Variants in TPD52 observed in about 807,000 individuals in gnomAD.
TPD52 encodes the protein tumor protein D52.
Under a neutral mutation model 31.3 loss-of-function variants are expected in TPD52, and 17 were observed. That is an observed-to-expected ratio of 0.54 (90% CI 0.37 to 0.82). The LOEUF is 0.82. TPD52 is among the 40% of genes least tolerant of loss of function. The probability of loss-of-function intolerance (pLI) is 0.00; values close to 1 mark genes in which losing one functional copy is unlikely to be tolerated. For missense variants in TPD52, 212 were observed against 240.1 expected, an observed-to-expected ratio of 0.88 and a Z score of 0.77; for synonymous variants, 83 against 89.6, an observed-to-expected ratio of 0.93 and a Z score of 0.42.
chr8:80,062,402 G>C (rs893710909), intron 2 of TPD52, among the ~76,000 whole-genome samples: 1 of 152,086 alleles, frequency 6.6e-6, no homozygotes, highest in Admixed American at 6.6e-5. Context: ...TGGATCAAGG[G>C]CTTAAATCTT....
At chr8:80,134,390 G>A (rs1015497720) in intron 1 of TPD52, among the ~76,000 whole-genome samples, 2 of 152,176 alleles carry the variant, frequency 1.3e-5, no homozygotes, top group Admixed American at 1.3e-4. Context: ...AGTTTCCAAT[G>A]TCTTAATGCT....
At chr8:80,142,468 A>G (rs7839866) in intron 1 of TPD52, among the ~76,000 whole-genome samples, 77,482 of 151,990 alleles carry the variant, frequency 0.51, 20,259 homozygotes, top group East Asian at 0.78. Flanking sequence ...AATTACAATC[A>G]GGCTGGGTAC....
At chr8:80,069,293 GTC>G (rs760917738) in intron 1 of TPD52, among the ~76,000 whole-genome samples, 43 of 151,020 alleles carry the variant, frequency 2.8e-4, no homozygotes, top group Admixed American at 9.2e-4. Context: ...GTGAGATCCT[GTC>G]TCTACAAAAA....
intron 1 of TPD52, among the ~76,000 whole-genome samples, chr8:80,167,007 G>C (rs770876124): frequency 5.3e-5 from 8 of 152,044 alleles, no homozygotes; most frequent in Non-Finnish European, 1.2e-4. Context: ...CAGGATTATG[G>C]GTAATTTTCT....
chr8:80,085,351 T>C (rs1467601069), intron 1 of TPD52, among the ~76,000 whole-genome samples: 1 of 151,952 alleles, frequency 6.6e-6, no homozygotes, highest in Middle Eastern at 3.4e-3. Flanking sequence ...AAAATTAAGT[T>C]TCTGTCTGCC....
In TPD52 at chr8:80,080,286, A is replaced by C. The variant is rs575983936; in HGVS notation, c.20-15693T>G. The C allele has an allele frequency of 2.0e-4, 327 of 1,607,260 alleles. 5 individuals are homozygous for C. In the South Asian group the frequency reaches 3.5e-3, roughly 17 times the overall value. On this transcript the variant is annotated intron_variant, in intron 1 of 7. Transcript: ENST00000518937. ...GTTATGTCTAGGTTTTATTCCAAGC[A>C]AACTTAACTTTACAAAATTAGTAGT... is the stretch of plus-strand genomic sequence containing the variant.
intron 1 of TPD52, among the ~76,000 whole-genome samples, chr8:80,078,045 G>A (rs6473198): frequency 0.61 from 92,354 of 152,046 alleles, 28,160 homozygotes; most frequent in East Asian, 0.73. Context: ...TCTTATATTT[G>A]TGAGGATTGC....
At chr8:80,160,889 CAAAAAAA>C (rs58923055) in intron 1 of TPD52, among the ~76,000 whole-genome samples, 1,027 of 95,040 alleles carry the variant, frequency 0.011, 17 homozygotes, top group African/African-American at 0.041. Flanking sequence ...ACTAAAAATA[CAAAAAAA>C]AAAAAAAAAA....
At chr8:80,114,019 C>T (rs1807687626) in intron 1 of TPD52, among the ~76,000 whole-genome samples, 1 of 152,122 alleles carries the variant, frequency 6.6e-6, no homozygotes, top group Non-Finnish European at 1.5e-5. Flanking sequence ...TTGAAGCAGG[C>T]AGATCACTTG....
chr8:80,069,927 C>T (rs538217039), intron 1 of TPD52, among the ~76,000 whole-genome samples: 2 of 152,292 alleles, frequency 1.3e-5, no homozygotes, highest in East Asian at 3.9e-4. Flanking sequence ...TAGTTCTAGA[C>T]TATAAAGTCC....
chr8:80,142,957 T>C (rs1809940580), intron 1 of TPD52, among the ~76,000 whole-genome samples: 1 of 152,138 alleles, frequency 6.6e-6, no homozygotes, highest in African/African-American at 2.4e-5. Flanking sequence ...AGTAGGTAGT[T>C]CACCAATCAA....
intron 1 of TPD52, among the ~76,000 whole-genome samples, chr8:80,130,046 T>C (rs1212599790): frequency 1.3e-5 from 2 of 152,114 alleles, no homozygotes; most frequent in Non-Finnish European, 2.9e-5. Flanking sequence ...GTCAGCCAGG[T>C]CACGAGTTTT....
At chr8:80,076,681 T>TTTGTTTG (rs1814583244) in intron 1 of TPD52, among the ~76,000 whole-genome samples, 1 of 151,800 alleles carries the variant, frequency 6.6e-6, no homozygotes, top group African/African-American at 2.4e-5. Context: ...GGGTTTTTTG[T>TTTGTTTG]TTGTTTGTTT....
intron 1 of TPD52, among the ~76,000 whole-genome samples, chr8:80,078,162 A>T (rs1814807394): frequency 1.3e-5 from 2 of 152,226 alleles, no homozygotes; most frequent in African/African-American, 4.8e-5. Flanking sequence ...TCCTCATCCT[A>T]ACCTTCGCTT....
chr8:80,077,821 G>A (rs13250990), intron 1 of TPD52, among the ~76,000 whole-genome samples: 1 of 152,238 alleles, frequency 6.6e-6, no homozygotes, highest in East Asian at 1.9e-4. Context: ...GGGAAACAGA[G>A]GTGAACTAAA....
At chr8:80,038,273 A>G (rs1171836617) in intron 7 of TPD52, 38 bp from the exon 8 acceptor site, 1 of 1,607,550 alleles carries the variant, frequency 6.2e-7, no homozygotes. Context: ...GACATTATGA[A>G]ACATAAAACT....
intron 1 of TPD52, chr8:80,159,037 G>A (rs2131244340): frequency 6.6e-6 from 1 of 150,572 alleles, no homozygotes; most frequent in Non-Finnish European, 1.5e-5. Context: ...TGAGCACTAT[G>A]TCCAATATCA....
intron 1 of TPD52, among the ~76,000 whole-genome samples, chr8:80,165,285 T>C (rs1204501522): frequency 6.6e-6 from 1 of 152,220 alleles, no homozygotes; most frequent in Non-Finnish European, 1.5e-5. Context: ...GCACCACTTC[T>C]ATGGAGCAGA....
chr8:80,143,377 G>A (rs551338135), intron 1 of TPD52, among the ~76,000 whole-genome samples: 1 of 152,310 alleles, frequency 6.6e-6, no homozygotes, highest in East Asian at 1.9e-4. Flanking sequence ...GTCCAGGGTT[G>A]AAAACATAAC....
Sources: allele counts gnomAD v4.1 joint callset (sites outside exome capture counted in the v4.1 genomes callset), GRCh38; gene constraint gnomAD v4.1.1; transcripts MANE v1.5; gene names NCBI Gene and HGNC (gene_info 2026-07-23, HGNC 2026-07-21).